TAB3: variants seen among roughly 807,000 people sequenced by gnomAD.
TAB3 encodes TGF-beta activated kinase 1 (MAP3K7) binding protein 3.
In TAB3, 18 loss-of-function variants were observed where a neutral mutation model predicts 48.1. The observed-to-expected ratio is 0.37, with a 90% CI of 0.26 to 0.55. The LOEUF is 0.55. TAB3 is among the 20% of genes least tolerant of loss of function. The probability of loss-of-function intolerance (pLI) is 0.78; values close to 1 mark genes in which losing one functional copy is unlikely to be tolerated. For missense variants in TAB3, 414 were observed against 549.8 expected (o/e 0.75, Z 2.47); for synonymous variants, 185 against 190.2 (o/e 0.97, Z 0.22).
At chrX:30,863,599 G>A (rs1473050551) in intron 4 of TAB3, among the ~76,000 whole-genome samples, 1 of 111,825 alleles carries the variant, frequency 8.9e-6, no homozygotes, top group African/African-American at 3.3e-5. Context: ...CACCCGCCTT[G>A]CTCCCGCTTT....
Position 30,830,682 on chromosome X carries a change from T to C in TAB3, c.*745A>G, listed in dbSNP as rs1279872467. ...CAGTAACTTAAAAAAATGCATCTCT[T>C]ATGTGGCATAAGTAGGTCTTAGTTA... On this transcript the variant is annotated 3_prime_UTR_variant, in exon 11 of 11. Coordinates refer to ENST00000288422, the MANE Select transcript of TAB3 (RefSeq NM_152787.5). 2 of 112,249 alleles carry C rather than the reference T, an allele frequency of 1.8e-5. No individual in the cohort carries two copies. The highest frequency in any genetic ancestry group is 3.8e-5 in the Non-Finnish European group (2 of 53,181). The allele number at this position is 112,249 out of a possible 1,213,427, so 9.3% of individuals were successfully genotyped here.
intron 8 of TAB3, chrX:30,845,778 T>C: frequency 5.3e-6 from 1 of 188,888 alleles, no homozygotes; most frequent in South Asian, 1.4e-4. Flanking sequence ...TGATTTGCCT[T>C]TGGCTTTCAT....
At chrX:30,885,749 C>T (rs1174498299) in intron 1 of TAB3, among the ~76,000 whole-genome samples, 2 of 111,806 alleles carry the variant, frequency 1.8e-5, no homozygotes, top group Non-Finnish European at 3.8e-5. Context: ...AGAGGAGAAA[C>T]CATTGGAGGG....
At chrX:30,838,657 C>T (rs758198665) in intron 9 of TAB3, among the ~76,000 whole-genome samples, 3 of 112,366 alleles carry the variant, frequency 2.7e-5, no homozygotes, top group Admixed American at 9.4e-5. Flanking sequence ...AGTTAATGAA[C>T]ATGGTATATC....
rs950377609 is a variant in TAB3, at chrX:30,828,507, A to G, written c.*2920T>C. On this transcript the variant is annotated 3_prime_UTR_variant, in exon 11 of 11. Transcript: ENST00000288422. ...CTCTACTCTCTTCCAAACAAAGTCA[A>G]TATCAATTCAAAACATTTTACAATG... is the stretch of plus-strand genomic sequence containing the variant. The G allele has an allele frequency of 5.3e-5, 6 of 112,891 alleles. No individual in the cohort carries two copies. The East Asian group carries it at 8.3e-4, about 16-fold the overall frequency. 9.3% of individuals were successfully genotyped at this position (112,891 alleles called of 1,213,427 possible). A position where few individuals can be genotyped will look rare whatever the true frequency, so the allele number is the denominator to read the frequency against.
In TAB3 at chrX:30,835,525, T is replaced by C. The variant is rs1259800851; in HGVS notation, c.1889-1373A>G. 4 of 111,965 alleles carry C rather than the reference T, an allele frequency of 3.6e-5. No individual in the cohort carries two copies. In the East Asian group the frequency reaches 8.4e-4, roughly 23 times the overall value. The allele number at this position is 111,965 out of a possible 1,213,427, so 9.2% of individuals were successfully genotyped here. A position where few individuals can be genotyped will look rare whatever the true frequency, so the allele number is the denominator to read the frequency against. On this transcript the variant is annotated intron_variant, in intron 9 of 10. Coordinates refer to ENST00000288422, the MANE Select transcript of TAB3 (RefSeq NM_152787.5). ...AGGTGGCCAAGATGACCAGGACCAGTGCTCAGATCGTGGGACACCAAGGTC... is the reference window on the plus strand; with the variant it reads ...AGGTGGCCAAGATGACCAGGACCAGCGCTCAGATCGTGGGACACCAAGGTC...
chrX:30,847,511 AATATAC>A (rs1301242723), intron 7 of TAB3, among the ~76,000 whole-genome samples: 1 of 107,485 alleles, frequency 9.3e-6, no homozygotes, highest in Non-Finnish European at 1.9e-5. Context: ...TATATATATA[AATATAC>A]ATATATATGT....
rs776302782 is a variant in TAB3, at chrX:30,848,647, G to C, written c.1711-2003C>G. Among the ~76,000 whole-genome samples the C allele has an allele frequency of 2.7e-5, 3 of 111,654 alleles. No individual in the cohort carries two copies. The South Asian group carries it at 1.1e-3, about 42-fold the overall frequency. On this transcript the variant is annotated intron_variant, in intron 7 of 10. Transcript: ENST00000288422. ...TCATATGGCTTCTGATTAAACTGAGGGGGGAAAAAAAGCAGTTTCTGAGAA... is the reference window on the plus strand; with the variant it reads ...TCATATGGCTTCTGATTAAACTGAGCGGGGAAAAAAAGCAGTTTCTGAGAA...
At chrX:30,878,029 A>G (rs1939887030) in intron 1 of TAB3, among the ~76,000 whole-genome samples, 1 of 112,737 alleles carries the variant, frequency 8.9e-6, no homozygotes, top group South Asian at 3.6e-4. Context: ...GGATCACTAG[A>G]GTTAAAAAGA....
chrX:30,850,233 A>C (rs1470627887), intron 7 of TAB3, among the ~76,000 whole-genome samples: 2 of 111,965 alleles, frequency 1.8e-5, no homozygotes, highest in African/African-American at 6.5e-5. Context: ...ACACATGGGA[A>C]ACACTTAAAT....
intron 4 of TAB3, among the ~76,000 whole-genome samples, chrX:30,866,906 A>C (rs1253475298): frequency 9.2e-6 from 1 of 109,248 alleles, no homozygotes; most frequent in African/African-American, 3.3e-5. Context: ...ACAGTGAAGA[A>C]ACCTGACAAA....
chrX:30,861,808 G>C (rs749860335), intron 4 of TAB3, among the ~76,000 whole-genome samples: 4 of 112,028 alleles, frequency 3.6e-5, no homozygotes, highest in Non-Finnish European at 7.5e-5. Flanking sequence ...GAAATTAATT[G>C]TAACATTTAA....
chrX:30,865,870 T>C lies in TAB3; in HGVS notation c.-91+1245A>G, dbSNP rs760680779. Among the ~76,000 whole-genome samples, 15 of 112,439 alleles carry C rather than the reference T, an allele frequency of 1.3e-4. No homozygotes were observed. The East Asian group carries it at 3.9e-3, about 29-fold the overall frequency. Reference sequence around the variant, plus strand: ...AACAGTAACAAAAAGTGGCTGATATTGAGGCATAACAAATGGTCTTTTACT... The same window carrying C: ...AACAGTAACAAAAAGTGGCTGATATCGAGGCATAACAAATGGTCTTTTACT... On this transcript the variant is annotated intron_variant, in intron 4 of 10. Coordinates refer to ENST00000288422, the MANE Select transcript of TAB3 (RefSeq NM_152787.5).
chrX:30,836,188 T>C (rs1001900948), intron 9 of TAB3: 2 of 111,956 alleles, frequency 1.8e-5, no homozygotes, highest in African/African-American at 3.2e-5. Flanking sequence ...CAGAAGAAGA[T>C]AAAAAACGGG....
At chrX:30,862,150 G>A (rs1939267891) in intron 4 of TAB3, among the ~76,000 whole-genome samples, 1 of 112,261 alleles carries the variant, frequency 8.9e-6, no homozygotes, top group African/African-American at 3.2e-5. Flanking sequence ...TATTTATTAG[G>A]AGAAATGGGG....
chrX:30,875,859 C>A (rs978392877), intron 1 of TAB3, among the ~76,000 whole-genome samples: 4 of 112,047 alleles, frequency 3.6e-5, no homozygotes, highest in African/African-American at 1.3e-4. Context: ...AAAGCTTAAA[C>A]AGAACTAGGG....
At chrX:30,881,670 G>A (rs752525066) in intron 1 of TAB3, among the ~76,000 whole-genome samples, 1 of 111,222 alleles carries the variant, frequency 9.0e-6, no homozygotes, top group African/African-American at 3.3e-5. Flanking sequence ...TTAAACAAGA[G>A]GGTTTTTACA....
chrX:30,862,177 C>T (rs1939268366), intron 4 of TAB3, among the ~76,000 whole-genome samples: 1 of 112,288 alleles, frequency 8.9e-6, no homozygotes, highest in African/African-American at 3.2e-5. Context: ...AAGGAATTCA[C>T]TGAATTTAAT....
intron 7 of TAB3, among the ~76,000 whole-genome samples, chrX:30,851,794 A>G (rs2079936580): frequency 8.9e-6 from 1 of 112,008 alleles, no homozygotes; most frequent in African/African-American, 3.2e-5. Context: ...TGGAAAAAGT[A>G]GAGGTTAAGT....
Sources: allele counts gnomAD v4.1 joint callset (sites outside exome capture counted in the v4.1 genomes callset), GRCh38; gene constraint gnomAD v4.1.1; transcripts MANE v1.5; gene names NCBI Gene and HGNC (gene_info 2026-07-23, HGNC 2026-07-21).